The following ERC2 variants were observed in gnomAD, a reference collection of about 807,000 sequenced individuals.
ERC2 encodes ERC protein 2.
A neutral mutation model predicts 114.8 loss-of-function variants in ERC2; 42 were observed. The ratio of observed to expected loss-of-function variants is 0.37; its 90% CI spans 0.29 to 0.47. The LOEUF is 0.47. Among genes scored for constraint, ERC2 ranks in the 20% least tolerant of loss-of-function variants. The pLI is 0.99. For synonymous variants in ERC2, 454 were observed against 425.5 expected (o/e 1.07, Z -0.82); for missense variants, 939 against 1,150.7 (o/e 0.82, Z 2.66).
At chr3:56,126,825 G>A (rs1560216552) in intron 6 of ERC2, among the ~76,000 whole-genome samples, 2 of 148,854 alleles carry the variant, frequency 1.3e-5, no homozygotes, top group East Asian at 3.9e-4. Context: ...GGAAAGGAAA[G>A]GAAAGGAAAG....
At chr3:55,725,722 G>A (rs1045158519) in intron 15 of ERC2, among the ~76,000 whole-genome samples, 33 of 152,228 alleles carry the variant, frequency 2.2e-4, no homozygotes, top group African/African-American at 8.0e-4. Context: ...TCAAGTGAGA[G>A]ACTCACACAG....
intron 2 of ERC2, among the ~76,000 whole-genome samples, chr3:56,412,358 G>A (rs746272021): frequency 2.6e-5 from 4 of 152,220 alleles, no homozygotes; most frequent in Non-Finnish European, 4.4e-5. Flanking sequence ...CCAAGTTAGT[G>A]GTAGTTTGTT....
At chr3:55,656,076 A>C (rs1465057653) in intron 17 of ERC2, among the ~76,000 whole-genome samples, 2 of 152,108 alleles carry the variant, frequency 1.3e-5, no homozygotes, top group Non-Finnish European at 2.9e-5. Context: ...CATCCAGGGC[A>C]CAGGTATATC....
At chr3:55,985,347 T>C (rs1249185047) in intron 12 of ERC2, among the ~76,000 whole-genome samples, 1 of 152,226 alleles carries the variant, frequency 6.6e-6, no homozygotes, top group Non-Finnish European at 1.5e-5. Context: ...TGGTTCCATA[T>C]GCTATGCCCT....
chr3:55,864,316 G>T (rs1439920268), intron 14 of ERC2, among the ~76,000 whole-genome samples: 1 of 150,280 alleles, frequency 6.7e-6, no homozygotes, highest in Non-Finnish European at 1.5e-5. Context: ...GCTTAATCCA[G>T]ATAAAGTTTT....
chr3:56,239,241 G>T (rs2051159870), intron 3 of ERC2, among the ~76,000 whole-genome samples: 2 of 152,184 alleles, frequency 1.3e-5, no homozygotes, highest in African/African-American at 4.8e-5. Flanking sequence ...AACGAGCCAG[G>T]CATGGTGGCT....
chr3:55,699,549 A>G (rs2063116159), intron 15 of ERC2, 37 bp from the exon 16 acceptor site: 2 of 1,572,686 alleles, frequency 1.3e-6, no homozygotes, highest in African/African-American at 2.7e-5. Flanking sequence ...TTCCATCAGG[A>G]GCCAGAAGAT....
intron 6 of ERC2, among the ~76,000 whole-genome samples, chr3:56,138,950 T>C (rs1326660029): frequency 6.6e-6 from 1 of 152,176 alleles, no homozygotes. Flanking sequence ...ATATCAACTT[T>C]CTTCAATGGG....
chr3:55,641,598 C>A (rs1292092225), intron 17 of ERC2, among the ~76,000 whole-genome samples: 1 of 147,182 alleles, frequency 6.8e-6, no homozygotes, highest in African/African-American at 2.5e-5. Flanking sequence ...ACACTCCTTC[C>A]CTTTTAAAAA....
chr3:55,931,301 A>C (rs2066067509), intron 13 of ERC2, among the ~76,000 whole-genome samples: 1 of 152,238 alleles, frequency 6.6e-6, no homozygotes, highest in Non-Finnish European at 1.5e-5. Context: ...ACACCTGCAC[A>C]TGTATGTTTA....
intron 2 of ERC2, among the ~76,000 whole-genome samples, chr3:56,425,695 C>G (rs913140537): frequency 6.6e-6 from 1 of 151,272 alleles, no homozygotes; most frequent in African/African-American, 2.4e-5. Flanking sequence ...TTTCATTGAA[C>G]CTCCCTGAAA....
At chr3:55,829,911 C>T (rs898050142) in intron 14 of ERC2, among the ~76,000 whole-genome samples, 15 of 152,056 alleles carry the variant, frequency 9.9e-5, no homozygotes, top group Non-Finnish European at 2.1e-4. Context: ...AAAATAATAA[C>T]TGAAACTTCT....
intron 7 of ERC2, among the ~76,000 whole-genome samples, chr3:56,055,290 C>T (rs2075963719): frequency 6.6e-6 from 1 of 152,114 alleles, no homozygotes; most frequent in Non-Finnish European, 1.5e-5. Flanking sequence ...ATGGGGAGGG[C>T]AGACTTAGGG....
At chr3:56,138,083 G>A (rs1175946187) in intron 6 of ERC2, among the ~76,000 whole-genome samples, 2 of 110,832 alleles carry the variant, frequency 1.8e-5, no homozygotes, top group South Asian at 2.8e-4. Flanking sequence ...TTTTTGAGAC[G>A]AAGTCTCACT....
chr3:55,840,021 CA>C (rs1441842071), intron 14 of ERC2, among the ~76,000 whole-genome samples: 1 of 151,816 alleles, frequency 6.6e-6, no homozygotes, highest in Non-Finnish European at 1.5e-5. Flanking sequence ...ACTAATTAAT[CA>C]AAAGAAAACT....
chr3:56,401,068 C>A (rs937130538), intron 2 of ERC2, among the ~76,000 whole-genome samples: 1 of 152,182 alleles, frequency 6.6e-6, no homozygotes, highest in African/African-American at 2.4e-5. Flanking sequence ...CTAAACAATG[C>A]CTAGGGAAAC....
intron 3 of ERC2, among the ~76,000 whole-genome samples, chr3:56,281,165 C>T (rs1410205761): frequency 6.6e-6 from 1 of 152,132 alleles, no homozygotes; most frequent in Non-Finnish European, 1.5e-5. Context: ...AGGCCGGGCA[C>T]GGTGGCTCAC....
At chr3:55,733,659 T>C (rs530002716) in intron 15 of ERC2, among the ~76,000 whole-genome samples, 1 of 152,272 alleles carries the variant, frequency 6.6e-6, no homozygotes, top group East Asian at 1.9e-4. Context: ...GGTCAATGTA[T>C]GCCTTTTCCT....
chr3:55,714,659 GTGTGTGTGTATATATATATATA>G (rs1167138983), intron 15 of ERC2, among the ~76,000 whole-genome samples: 10 of 70,844 alleles, frequency 1.4e-4, no homozygotes, highest in African/African-American at 4.4e-4. Context: ...GTGTGTGTGT[GTGTGTGTGTATATATATATATA>G]TATATATATA....
Sources: gnomAD v4.1 joint callset for allele counts (sites outside exome capture counted in the v4.1 genomes callset) on GRCh38, gnomAD v4.1.1 for gene constraint, MANE v1.5 for transcripts, NCBI Gene and HGNC (gene_info 2026-07-23, HGNC 2026-07-21) for gene names.